Variants in QRICH1 observed in about 807,000 individuals in gnomAD.
The protein encoded by QRICH1 is glutamine rich 1.
In QRICH1, 16 loss-of-function variants were observed where a neutral mutation model predicts 87.1. That is an observed-to-expected ratio of 0.18 (90% CI 0.12 to 0.28). QRICH1 has a LOEUF of 0.28. Among genes scored for constraint, QRICH1 ranks in the 10% least tolerant of loss-of-function variants. The probability of loss-of-function intolerance (pLI) is 1.00; values close to 1 mark genes in which losing one functional copy is unlikely to be tolerated. For synonymous variants in QRICH1, 367 were observed against 368.4 expected, an observed-to-expected ratio of 1.00 and a Z score of 0.05; for missense variants, 647 against 951.7, an observed-to-expected ratio of 0.68 and a Z score of 4.21.
chr3:49,030,300 G>A lies in QRICH1; in HGVS notation c.*152C>T, dbSNP rs1179367922. On this transcript the variant is annotated 3_prime_UTR_variant, in exon 10 of 10. Coordinates refer to ENST00000395443, the MANE Select transcript of QRICH1 (RefSeq NM_198880.3). Reference sequence around the variant, plus strand: ...TTTATGAAGATGCAAAGGGGGCAAAGTTTTCTTTTATATTTTAAACAGAAG... The same window carrying A: ...TTTATGAAGATGCAAAGGGGGCAAAATTTTCTTTTATATTTTAAACAGAAG... The A allele has an allele frequency of 2.7e-6, 2 of 750,494 alleles. No homozygotes were observed. Among genetic ancestry groups the A allele is most frequent in the East Asian group, 2.9e-5 (1 of 34,288 alleles). 46.5% of individuals were successfully genotyped at this position (750,494 alleles called of 1,614,324 possible).
rs565585846 is a variant in QRICH1, at chr3:49,070,068, G to A, written c.309+6641C>T. On this transcript the variant is annotated intron_variant, in intron 2 of 9. Transcript: ENST00000395443. ...TTTTTTTTTTTGGAGACAGAGTTTC[G>A]CTCACATTGCCCAGTCTGGAGTGCA... Among the ~76,000 whole-genome samples the A allele has an allele frequency of 4.6e-4, 68 of 148,504 alleles. 1 individual carries two copies. The highest frequency in any genetic ancestry group is 6.9e-3 in the Middle Eastern group (2 of 290).
chr3:49,037,073 T>TAAAA (rs60963227), intron 6 of QRICH1, among the ~76,000 whole-genome samples: 166 of 92,566 alleles, frequency 1.8e-3, no homozygotes, highest in East Asian at 6.1e-3. Context: ...CCCCGTCTCT[T>TAAAA]AAAAAAAAAA....
chr3:49,069,095 A>ATTT (rs2093484971), intron 2 of QRICH1, among the ~76,000 whole-genome samples: 1 of 83,510 alleles, frequency 1.2e-5, no homozygotes, highest in South Asian at 6.9e-4. Flanking sequence ...TATTATTATT[A>ATTT]TTATTATTAT....
rs1211536123 is a variant in QRICH1, at chr3:49,054,125, G to A, written c.1338+2737C>T. Among the ~76,000 whole-genome samples, 4 of 152,244 alleles carry A rather than the reference G, an allele frequency of 2.6e-5. No homozygotes were observed. In the East Asian group the frequency reaches 7.7e-4, roughly 29 times the overall value. On this transcript the variant is annotated intron_variant, in intron 3 of 9. Transcript: ENST00000395443. ...CTAAGACTTTCCCAAATCAGATACA[G>A]CCTCTGAAGAACACTGGCCCACTAA...
intron 6 of QRICH1, among the ~76,000 whole-genome samples, chr3:49,038,691 T>A (rs545573429): frequency 6.6e-6 from 1 of 152,110 alleles, no homozygotes; most frequent in Non-Finnish European, 1.5e-5. Context: ...TGCTGGGAAT[T>A]CAGGCGTGAG....
chr3:49,033,223 C>T lies in QRICH1; in HGVS notation c.1792G>A (p.Val598Ile). ...TCCTCAGTCACGTGGCTGGGCAAGA[C>T]ATAGCCTAGGAGGAATAGAGTACTG... Reference protein sequence around the residue: ...VQPRVTPLGYVLPSHVTEEML... With the variant: ...VQPRVTPLGYILPSHVTEEML... The change falls in exon 7 of 10, where the codon GTC (valine) becomes ATC (isoleucine). Residue 598 changes from valine to isoleucine, a missense_variant. Physicochemically the swap from Val to Ile is conservative, Grantham distance 29. Around this residue, in one of 7 missense-constraint regions of QRICH1, gnomAD observed 187 missense variants for 309.5 expected, o/e 0.60. Coordinates refer to ENST00000395443, the MANE Select transcript of QRICH1 (RefSeq NM_198880.3). 1 of 1,558,606 alleles carries T rather than the reference C, an allele frequency of 6.4e-7. No homozygotes were observed. Among genetic ancestry groups the T allele is most frequent in the Non-Finnish European group, 8.7e-7 (1 of 1,154,302 alleles).
At chr3:49,076,322 G>A (rs556243986) in intron 2 of QRICH1, among the ~76,000 whole-genome samples, 1 of 152,172 alleles carries the variant, frequency 6.6e-6, no homozygotes, top group Non-Finnish European at 1.5e-5. Context: ...TGCCGGGACC[G>A]GGTTCCGGTG....
chr3:49,059,874 C>T lies in QRICH1; in HGVS notation c.310-1984G>A, dbSNP rs556161641. On this transcript the variant is annotated intron_variant, in intron 2 of 9. Coordinates refer to ENST00000395443, the MANE Select transcript of QRICH1 (RefSeq NM_198880.3). ...CTGGGATTACATGTGCCTGCCATCA[C>T]ATCCAGCTAACTTTTTTTTTTTTTT... Among the ~76,000 whole-genome samples the T allele has an allele frequency of 9.9e-5, 15 of 151,646 alleles. No homozygotes were observed. In the South Asian group the frequency reaches 1.3e-3, roughly 13 times the overall value.
chr3:49,037,510 T>G (rs986654962), intron 6 of QRICH1, among the ~76,000 whole-genome samples: 2 of 152,170 alleles, frequency 1.3e-5, no homozygotes, highest in African/African-American at 4.8e-5. Context: ...GGCAGGTGGA[T>G]TGCCTGAGCT....
In QRICH1 at chr3:49,049,377, G is replaced by A. The variant is rs530348153; in HGVS notation, c.1339-2131C>T. ...TAAGAATCACTTGAACCCAGGAGAC[G>A]GAGGTTACAGTGAGCTGAGACAGTG... is the stretch of plus-strand genomic sequence containing the variant. On this transcript the variant is annotated intron_variant, in intron 3 of 9. Transcript: ENST00000395443. 5.9e-5 allele frequency among the ~76,000 whole-genome samples: 9 copies of A among 151,926 alleles called. No homozygotes were observed. The South Asian group carries it at 1.0e-3, about 18-fold the overall frequency.
intron 3 of QRICH1, among the ~76,000 whole-genome samples, chr3:49,056,101 G>T (rs566395417): frequency 2.1e-4 from 32 of 152,044 alleles, no homozygotes; most frequent in African/African-American, 7.7e-4. Context: ...TCAGCCTCCC[G>T]AGTAGCTGGG....
Position 49,078,694 on chromosome 3 carries a change from C to CTT in QRICH1, c.-21-1658_-21-1657dup, listed in dbSNP as rs57367580. On this transcript the variant is annotated intron_variant, in intron 1 of 9. Transcript: ENST00000395443. ...ACAGGCGTGAGCCACCACACCTGTC[C>CTT]TTTTTTTTTTTTTTTTTTTTTGAGT... 7.4e-4 allele frequency among the ~76,000 whole-genome samples: 58 copies of CTT among 78,904 alleles called. 1 individual carries two copies. Among genetic ancestry groups the CTT allele is most frequent in the East Asian group, 1.9e-3 (5 of 2,692 alleles). 51.8% of individuals were successfully genotyped at this position (78,904 alleles called of 152,430 possible). A position where few individuals can be genotyped will look rare whatever the true frequency, so the allele number is the denominator to read the frequency against.
chr3:49,044,651 A>G, intron 5 of QRICH1, 147 bp from the exon 6 acceptor site: 1 of 589,522 alleles, frequency 1.7e-6, no homozygotes, highest in South Asian at 2.1e-5. Flanking sequence ...TGACACTTCC[A>G]TAGTATGCCT....
At chr3:49,059,132 T>C (rs2093420135) in intron 2 of QRICH1, among the ~76,000 whole-genome samples, 1 of 149,292 alleles carries the variant, frequency 6.7e-6, no homozygotes, top group Non-Finnish European at 1.5e-5. Flanking sequence ...CGGCTAATTT[T>C]TTTTTTGTAT....
At chr3:49,081,832 G>A (rs1273648010) in intron 1 of QRICH1, among the ~76,000 whole-genome samples, 1 of 149,302 alleles carries the variant, frequency 6.7e-6, no homozygotes, top group African/African-American at 2.5e-5. Context: ...TTTTGAGACA[G>A]AGTCTTGCTC....
chr3:49,072,519 C>T (rs2041860321), intron 2 of QRICH1, among the ~76,000 whole-genome samples: 1 of 150,056 alleles, frequency 6.7e-6, no homozygotes, highest in Non-Finnish European at 1.5e-5. Context: ...GAATGAGACC[C>T]TGTCTCCATT....
chr3:49,046,030 C>CT (rs1404562175), intron 5 of QRICH1, among the ~76,000 whole-genome samples: 2 of 151,864 alleles, frequency 1.3e-5, no homozygotes, highest in Non-Finnish European at 2.9e-5. Context: ...ATTCTCATGC[C>CT]TCAGCCTCCC....
intron 1 of QRICH1, chr3:49,092,561 C>G (rs1195708972): frequency 6.6e-6 from 1 of 152,076 alleles, no homozygotes; most frequent in Non-Finnish European, 1.5e-5. Context: ...AAGAACTACC[C>G]CACCATTATC....
chr3:49,065,885 G>A (rs1353387320), intron 2 of QRICH1, among the ~76,000 whole-genome samples: 1 of 152,074 alleles, frequency 6.6e-6, no homozygotes, highest in African/African-American at 2.4e-5. Flanking sequence ...GGGTTTCACC[G>A]TGTTAGCCAG....
Sources: gnomAD v4.1 joint callset for allele counts (sites outside exome capture counted in the v4.1 genomes callset) on GRCh38, gnomAD v4.1.1 for gene constraint, gnomAD v4.1.1 regional missense constraint, MANE v1.5 for transcripts, NCBI Gene and HGNC (gene_info 2026-07-23, HGNC 2026-07-21) for gene names.